ANO4: variants seen among roughly 807,000 people sequenced by gnomAD.
ANO4 encodes the protein anoctamin-4.
In ANO4, 69 loss-of-function variants were observed where a neutral mutation model predicts 141.9. The observed-to-expected ratio is 0.49, with a 90% CI of 0.40 to 0.59. ANO4 has a LOEUF of 0.59. ANO4 is among the 20% of genes least tolerant of loss of function. The pLI is 0.00. For synonymous variants in ANO4, 350 were observed against 394.3 expected, an observed-to-expected ratio of 0.89 and a Z score of 1.33; for missense variants, 894 against 1,162.2, an observed-to-expected ratio of 0.77 and a Z score of 3.36.
intron 4 of ANO4, among the ~76,000 whole-genome samples, chr12:100,940,175 G>T (rs1363253771): frequency 6.6e-6 from 1 of 150,790 alleles, no homozygotes; most frequent in Non-Finnish European, 1.5e-5. Flanking sequence ...ACCATATGCA[G>T]CTATCCAAGT....
intron 3 of ANO4, among the ~76,000 whole-genome samples, chr12:100,779,995 C>G (rs974485972): frequency 6.6e-6 from 1 of 151,970 alleles, no homozygotes; most frequent in African/African-American, 2.4e-5. Context: ...TTTCTTAAAG[C>G]TTTTAACTTA....
chr12:100,840,982 A>G (rs2037214408), intron 1 of ANO4, among the ~76,000 whole-genome samples: 1 of 152,096 alleles, frequency 6.6e-6, no homozygotes, highest in South Asian at 2.1e-4. Flanking sequence ...CATGCCTGGA[A>G]CGTTGGTTGA....
At chr12:100,717,508 G>A, upstream of ANO4, 1 of 399,056 alleles carries the variant, frequency 2.5e-6, no homozygotes, top group East Asian at 3.6e-5. Context: ...GGCCAGTCTG[G>A]GCAGGACGCG....
intron 9 of ANO4, among the ~76,000 whole-genome samples, chr12:101,024,018 T>G (rs551083802): frequency 6.6e-6 from 1 of 152,290 alleles, no homozygotes; most frequent in East Asian, 1.9e-4. Context: ...CATAAGGATA[T>G]TTTAGTGGAA....
intron 3 of ANO4, among the ~76,000 whole-genome samples, chr12:100,756,875 C>T (rs147236312): frequency 6.6e-6 from 1 of 152,252 alleles, no homozygotes; most frequent in Non-Finnish European, 1.5e-5. Context: ...GTCTTGTCCA[C>T]CACTACCCCT....
At chr12:100,804,766 C>T (rs1350266994) in intron 1 of ANO4, among the ~76,000 whole-genome samples, 2 of 152,174 alleles carry the variant, frequency 1.3e-5, no homozygotes, top group African/African-American at 4.8e-5. Context: ...AGTATCTGTT[C>T]ATGTCCTTTG....
intron 3 of ANO4, among the ~76,000 whole-genome samples, chr12:100,933,495 A>G (rs140007414): frequency 0.043 from 6,540 of 152,264 alleles, 172 homozygotes; most frequent in Non-Finnish European, 0.056. Flanking sequence ...TATATGTGCC[A>G]CATTTTCTTA....
At chr12:101,021,090 T>G (rs563991957) in intron 9 of ANO4, among the ~76,000 whole-genome samples, 2 of 152,320 alleles carry the variant, frequency 1.3e-5, no homozygotes, top group East Asian at 3.9e-4. Flanking sequence ...AGAAGACTCC[T>G]CGCTACAATG....
At chr12:101,014,247 C>T (rs545766930) in intron 8 of ANO4, among the ~76,000 whole-genome samples, 2 of 152,264 alleles carry the variant, frequency 1.3e-5, no homozygotes, top group Non-Finnish European at 2.9e-5. Flanking sequence ...CAGGAAGAAC[C>T]TATCAATCAG....
intron 1 of ANO4, among the ~76,000 whole-genome samples, chr12:100,829,470 TGATCTCA>T (rs2036529582): frequency 6.6e-6 from 1 of 152,134 alleles, no homozygotes; most frequent in Non-Finnish European, 1.5e-5. Context: ...AGCTGTTAGA[TGATCTCA>T]GATCTCAGTC....
At chr12:100,828,910 C>T (rs1034481935) in intron 1 of ANO4, among the ~76,000 whole-genome samples, 1 of 151,832 alleles carries the variant, frequency 6.6e-6, no homozygotes, top group African/African-American at 2.4e-5. Flanking sequence ...ATTCCAGCTA[C>T]TTGGGAAGCT....
chr12:100,915,007 A>C (rs573441069), intron 2 of ANO4, among the ~76,000 whole-genome samples: 1 of 151,990 alleles, frequency 6.6e-6, no homozygotes, highest in African/African-American at 2.4e-5. Flanking sequence ...TTTTTTAGAG[A>C]TGGAGGTCTT....
At chr12:100,849,778 G>A (rs1400144285) in intron 1 of ANO4, among the ~76,000 whole-genome samples, 2 of 152,130 alleles carry the variant, frequency 1.3e-5, no homozygotes, top group African/African-American at 2.4e-5. Context: ...CATTGAATGT[G>A]TGCTTTGTAA....
intron 10 of ANO4, among the ~76,000 whole-genome samples, 175 bp from the exon 11 acceptor site, chr12:101,039,780 G>A (rs1437612735): frequency 6.6e-6 from 1 of 152,158 alleles, no homozygotes; most frequent in Non-Finnish European, 1.5e-5. Context: ...ATCAGCAGTA[G>A]CAAGACAATG....
intron 3 of ANO4, among the ~76,000 whole-genome samples, chr12:100,934,405 T>C (rs1032851758): frequency 1.3e-5 from 2 of 152,202 alleles, no homozygotes; most frequent in African/African-American, 4.8e-5. Context: ...ATCAGATGGT[T>C]GTAGATGTGT....
chr12:100,787,787 A>G (rs10745895), intron 3 of ANO4, among the ~76,000 whole-genome samples: 61,372 of 152,010 alleles, frequency 0.4, 13,103 homozygotes, highest in Middle Eastern at 0.53. Context: ...GGATTTTGAT[A>G]AATGTCATTT....
intron 8 of ANO4, among the ~76,000 whole-genome samples, chr12:101,005,932 T>C (rs977842669): frequency 6.6e-6 from 1 of 152,156 alleles, no homozygotes; most frequent in Non-Finnish European, 1.5e-5. Flanking sequence ...TGCCTCCTCC[T>C]CTTCTTCCAG....
intron 1 of ANO4, among the ~76,000 whole-genome samples, chr12:100,824,502 A>G (rs1371584987): frequency 1.3e-5 from 2 of 152,092 alleles, no homozygotes; most frequent in Admixed American, 1.3e-4. Context: ...TTTTCTAAAT[A>G]TCAGTTTTCC....
intron 8 of ANO4, among the ~76,000 whole-genome samples, chr12:101,005,501 GTTGAGCT>G (rs1170734885): frequency 6.6e-6 from 1 of 152,152 alleles, no homozygotes; most frequent in African/African-American, 2.4e-5. Flanking sequence ...AGGATTAATG[GTTGAGCT>G]CACTCAAGCT....
Sources: allele counts gnomAD v4.1 joint callset (sites outside exome capture counted in the v4.1 genomes callset), GRCh38; gene constraint gnomAD v4.1.1; transcripts MANE v1.5; gene names NCBI Gene and HGNC (gene_info 2026-07-23, HGNC 2026-07-21).